The following USP24 variants were observed in gnomAD, a reference collection of about 807,000 sequenced individuals.
The protein encoded by USP24 is ubiquitin carboxyl-terminal hydrolase 24.
USP24 carries 97 observed loss-of-function variants against 361.6 expected under a neutral mutation model. That is an observed-to-expected ratio of 0.27 (90% CI 0.23 to 0.32). The LOEUF (loss-of-function observed/expected upper bound fraction) is 0.32. Ranked by LOEUF, USP24 falls within the 10% of genes least tolerant of loss-of-function variation. The pLI is 1.00. For missense variants in USP24, 2,353 were observed against 3,165.6 expected, an observed-to-expected ratio of 0.74 and a Z score of 6.16; for synonymous variants, 1,098 against 1,124.6, an observed-to-expected ratio of 0.98 and a Z score of 0.47.
intron 39 of USP24, among the ~76,000 whole-genome samples, chr1:55,108,413 G>A (rs1443321417): frequency 3.3e-5 from 5 of 152,166 alleles, no homozygotes; most frequent in African/African-American, 1.2e-4. Context: ...AGTGAAGAAG[G>A]ACCCTTTAGG....
chr1:55,208,411 T>G (rs1471818638), intron 1 of USP24, among the ~76,000 whole-genome samples: 1 of 151,832 alleles, frequency 6.6e-6, no homozygotes, highest in African/African-American at 2.4e-5. Context: ...GCGGATCACT[T>G]GAGGCCAGAA....
chr1:55,193,722 G>C (rs1423223758), intron 1 of USP24, among the ~76,000 whole-genome samples: 1 of 152,154 alleles, frequency 6.6e-6, no homozygotes, highest in African/African-American at 2.4e-5. Context: ...AACAGCACTA[G>C]TAACTATGGA....
rs1646932148 is a variant in USP24, at chr1:55,143,006, G to A, written c.2553C>T (p.Tyr851=). 5 of 1,517,126 alleles carry A rather than the reference G, an allele frequency of 3.3e-6. No homozygotes were observed. In the South Asian group the frequency reaches 5.1e-5, roughly 16 times the overall value. The allele number at this position is 1,517,126 out of a possible 1,614,324, so 94.0% of individuals were successfully genotyped here. The change falls in exon 22 of 68, where the codon TAC becomes TAT. Residue 851 remains tyrosine (Y), a synonymous_variant. Coordinates refer to ENST00000294383, the MANE Select transcript of USP24 (RefSeq NM_015306.3). ...TCTTTAATCTAGGATTTAGATTAATGTAACTATAGTTTATGATTAGCTGAA... is the reference window on the plus strand; with the variant it reads ...TCTTTAATCTAGGATTTAGATTAATATAACTATAGTTTATGATTAGCTGAA... ...EAIQLIINYS[Y]INLNPRLKKD... is the part of the protein sequence containing the mutation.
At chr1:55,117,692 C>T (rs1380956555) in intron 38 of USP24, among the ~76,000 whole-genome samples, 8 of 143,570 alleles carry the variant, frequency 5.6e-5, no homozygotes, top group South Asian at 2.4e-4. Flanking sequence ...GCCGAGATTG[C>T]GCCACTGCAG....
chr1:55,208,954 A>C (rs1232635040), intron 1 of USP24, among the ~76,000 whole-genome samples: 1 of 151,940 alleles, frequency 6.6e-6, no homozygotes, highest in African/African-American at 2.4e-5. Context: ...AAAACAAAAC[A>C]AAAAAAACCC....
In USP24 at chr1:55,123,442, C is replaced by G; in HGVS notation, c.4276+5G>C. ...AGATTAATCACAAACAAGCCTCCAG[C>G]ATACCCAGTTGCTGGCTCCGAAGCT... On this transcript the variant is annotated splice_donor_5th_base_variant and intron_variant, in intron 36 of 67. Transcript: ENST00000294383. 6.3e-7 allele frequency: 1 copy of G among 1,581,570 alleles called. No individual in the cohort carries two copies. The highest frequency in any genetic ancestry group is 1.7e-4 in the Middle Eastern group (1 of 5,832).
intron 28 of USP24, among the ~76,000 whole-genome samples, chr1:55,135,876 C>T (rs1345256128): frequency 2.6e-5 from 4 of 152,142 alleles, no homozygotes; most frequent in South Asian, 2.1e-4. Context: ...CAGCTTTGTA[C>T]ACCTGGAGTC....
At chr1:55,096,929 G>C in intron 49 of USP24, 23 bp downstream of exon 49, 1 of 1,606,110 alleles carries the variant, frequency 6.2e-7, no homozygotes, top group Non-Finnish European at 8.5e-7. Flanking sequence ...AAGTGAGTAA[G>C]TGCTGCCTCA....
chr1:55,142,418 A>C lies in USP24; in HGVS notation c.2634+324T>G, dbSNP rs994226176. Among the ~76,000 whole-genome samples, 13 of 152,308 alleles carry C rather than the reference A, an allele frequency of 8.5e-5. No homozygotes were observed. The Middle Eastern group carries it at 0.01, about 120-fold the overall frequency. ...TGCTTATATAAAATACCTGAACAGG[A>C]AAAGAAAAAAAAGAAAAAGATTCTA... On this transcript the variant is annotated intron_variant, in intron 23 of 67. Coordinates refer to ENST00000294383, the MANE Select transcript of USP24 (RefSeq NM_015306.3).
chr1:55,077,209 A>C, intron 62 of USP24, 26 bp downstream of exon 62: 6 of 1,467,372 alleles, frequency 4.1e-6, no homozygotes, highest in Non-Finnish European at 5.5e-6. Context: ...CCTAAATAAA[A>C]GTGAGTCAGA....
At chr1:55,098,672 G>GT (rs1016744142) in intron 45 of USP24, 114 bp from the exon 46 acceptor site, 180 of 746,576 alleles carry the variant, frequency 2.4e-4, no homozygotes, top group Middle Eastern at 9.4e-4. Flanking sequence ...CATTCTGGTA[G>GT]TATCAGCTGT....
In USP24 at chr1:55,096,910, G is replaced by A. The variant is rs1042929102; in HGVS notation, c.5936+42C>T. On this transcript the variant is annotated intron_variant, in intron 49 of 67. Coordinates refer to ENST00000294383, the MANE Select transcript of USP24 (RefSeq NM_015306.3). ...GTATGGATGATAACGGAGAGCAGGG[G>A]AGGGCAGAAAGTGAGTAAGTGCTGC... 5 of 1,586,574 alleles carry A rather than the reference G, an allele frequency of 3.2e-6. No homozygotes were observed. In the South Asian group the frequency reaches 4.5e-5, roughly 14 times the overall value.
At chr1:55,109,594 G>A (rs1645893002) in intron 39 of USP24, among the ~76,000 whole-genome samples, 1 of 151,938 alleles carries the variant, frequency 6.6e-6, no homozygotes, top group African/African-American at 2.4e-5. Flanking sequence ...CTATTTTTGT[G>A]GATCCTGATT....
chr1:55,138,829 G>A, intron 25 of USP24, 111 bp from the exon 26 acceptor site: 1 of 1,314,650 alleles, frequency 7.6e-7, no homozygotes, highest in Non-Finnish European at 1.1e-6. Context: ...GAAAAGAGAG[G>A]CTAACTGGGT....
intron 38 of USP24, among the ~76,000 whole-genome samples, chr1:55,115,495 CAAAAAAA>C (rs1165658382): frequency 1.1e-4 from 5 of 45,844 alleles, no homozygotes; most frequent in Non-Finnish European, 2.0e-4. Flanking sequence ...GACTCCGCCT[CAAAAAAA>C]AAAAAAAAAA....
chr1:55,205,104 G>T (rs1644672226), intron 1 of USP24, among the ~76,000 whole-genome samples: 1 of 151,982 alleles, frequency 6.6e-6, no homozygotes, highest in African/African-American at 2.4e-5. Context: ...CAGGTCACAG[G>T]AACAGAGGTC....
chr1:55,084,742 T>C (rs1445199705), intron 56 of USP24, among the ~76,000 whole-genome samples: 2 of 151,988 alleles, frequency 1.3e-5, no homozygotes, highest in Non-Finnish European at 2.9e-5. Flanking sequence ...GGGGGGCAAA[T>C]AGACATGAAA....
chr1:55,187,329 C>T lies in USP24; in HGVS notation c.325-9197G>A, dbSNP rs115485755. ...TTAAAGGCATCTACAAAAACACCTA[C>T]AGTGAACATCATATTTAACTGTGAA... On this transcript the variant is annotated intron_variant, in intron 1 of 67. Transcript: ENST00000294383. 5.0e-3 allele frequency among the ~76,000 whole-genome samples: 763 copies of T among 152,306 alleles called. 7 individuals are homozygous for T. Among genetic ancestry groups the T allele is most frequent in the African/African-American group, 0.018 (734 of 41,564 alleles).
chr1:55,097,855 G>C (rs1645532830), intron 47 of USP24, 88 bp downstream of exon 47: 1 of 1,520,034 alleles, frequency 6.6e-7, no homozygotes, highest in Non-Finnish European at 8.8e-7. Context: ...AATAACAGTA[G>C]GAGCTTAATA....
Sources: allele counts gnomAD v4.1 joint callset (sites outside exome capture counted in the v4.1 genomes callset), GRCh38; gene constraint gnomAD v4.1.1; transcripts MANE v1.5; gene names NCBI Gene and HGNC (gene_info 2026-07-23, HGNC 2026-07-21).